Variants in SLC16A7 observed in about 807,000 individuals in gnomAD.
SLC16A7 encodes solute carrier family 16 member 7.
A neutral mutation model predicts 34.9 loss-of-function variants in SLC16A7; 33 were observed. That is an observed-to-expected ratio of 0.94 (90% CI 0.72 to 1.26). SLC16A7 has a LOEUF of 1.26. Among genes scored for constraint, SLC16A7 ranks in the 50% most tolerant of loss-of-function variants. SLC16A7 has a pLI of 0.00. For missense variants in SLC16A7, 573 were observed against 578.1 expected, an observed-to-expected ratio of 0.99 and a Z score of 0.09; for synonymous variants, 201 against 206.6, an observed-to-expected ratio of 0.97 and a Z score of 0.23.
chr12:59,689,440 G>C (rs1388712749), intron 2 of SLC16A7: 1 of 152,010 alleles, frequency 6.6e-6, no homozygotes, highest in Non-Finnish European at 1.5e-5. Flanking sequence ...TGGTGAAATG[G>C]AAGACCATGT....
At chr12:59,669,681 C>CACACACACACACACACACGATTT (rs1555167276) in intron 2 of SLC16A7, among the ~76,000 whole-genome samples, 1 of 151,768 alleles carries the variant, frequency 6.6e-6, no homozygotes, top group Non-Finnish European at 1.5e-5. Context: ...CACACACACA[C>CACACACACACACACACACGATTT]ACACGATTTA....
chr12:59,654,690 T>C (rs1868444562), intron 1 of SLC16A7, among the ~76,000 whole-genome samples: 1 of 142,166 alleles, frequency 7.0e-6, no homozygotes, highest in South Asian at 2.4e-4. Flanking sequence ...CACATAGGCA[T>C]GCACACACAC....
At chr12:59,737,560 TA>T (rs1877743168) in intron 3 of SLC16A7, among the ~76,000 whole-genome samples, 1 of 152,228 alleles carries the variant, frequency 6.6e-6, no homozygotes, top group African/African-American at 2.4e-5. Flanking sequence ...TTGACTGCAA[TA>T]AAAAGGGAGC....
chr12:59,757,642 G>A (rs901643214), intron 3 of SLC16A7, among the ~76,000 whole-genome samples: 3 of 151,952 alleles, frequency 2.0e-5, no homozygotes, highest in Non-Finnish European at 2.9e-5. Context: ...AAGTTACACC[G>A]TGTGCCTGCC....
At chr12:59,712,437 C>G (rs1430386771) in intron 3 of SLC16A7, among the ~76,000 whole-genome samples, 2 of 152,168 alleles carry the variant, frequency 1.3e-5, no homozygotes, top group Non-Finnish European at 2.9e-5. Context: ...TTGGGCCATC[C>G]TATATTGAAA....
intron 1 of SLC16A7, among the ~76,000 whole-genome samples, chr12:59,619,365 G>T (rs555805355): frequency 6.6e-6 from 1 of 152,080 alleles, no homozygotes; most frequent in South Asian, 2.1e-4. Flanking sequence ...CATGAAAAGT[G>T]ATTATCCGGT....
At chr12:59,760,170 G>A (rs937305276) in intron 3 of SLC16A7, among the ~76,000 whole-genome samples, 2 of 151,954 alleles carry the variant, frequency 1.3e-5, no homozygotes, top group African/African-American at 4.8e-5. Flanking sequence ...GTAGAGTGCA[G>A]ACAAAAAGCA....
At chr12:59,665,036 A>T (rs1869080831) in intron 2 of SLC16A7, 1 of 152,066 alleles carries the variant, frequency 6.6e-6, no homozygotes, top group Non-Finnish European at 1.5e-5. Flanking sequence ...ATGTGATTTC[A>T]TACTCTAAGC....
chr12:59,671,268 A>C (rs184566295), intron 2 of SLC16A7, among the ~76,000 whole-genome samples: 149 of 152,300 alleles, frequency 9.8e-4, no homozygotes, highest in African/African-American at 3.5e-3. Context: ...TTTGTTTAAT[A>C]ATATGTTTGA....
chr12:59,627,552 G>GC (rs1459408299), intron 1 of SLC16A7, among the ~76,000 whole-genome samples: 2 of 151,604 alleles, frequency 1.3e-5, no homozygotes, highest in Admixed American at 1.3e-4. Flanking sequence ...ACATCCTTTT[G>GC]CCCACAAAGC....
rs752963628 is a variant in SLC16A7 at position 59,786,912 on chromosome 12, A to G, written c.*7233A>G. The G allele has an allele frequency of 2.6e-5, 4 of 152,152 alleles. No homozygotes were observed. The highest frequency in any genetic ancestry group is 5.9e-5 in the Non-Finnish European group (4 of 67,984). 9.4% of individuals were successfully genotyped at this position (152,152 alleles called of 1,614,324 possible). On this transcript the variant is annotated 3_prime_UTR_variant, in exon 6 of 6. Coordinates refer to ENST00000547379, the MANE Select transcript of SLC16A7 (RefSeq NM_001270623.2). ...ACCCTACTTGATAGTTTATAGCCCAAATGAATATATTTTTCCAATCATGGT... is the reference window on the plus strand; with the variant it reads ...ACCCTACTTGATAGTTTATAGCCCAGATGAATATATTTTTCCAATCATGGT...
At chr12:59,767,167 G>GTT (rs1881744865) in intron 3 of SLC16A7, among the ~76,000 whole-genome samples, 1 of 151,148 alleles carries the variant, frequency 6.6e-6, no homozygotes, top group South Asian at 2.1e-4. Flanking sequence ...CTAGCTTCTA[G>GTT]TATGCAAATA....
intron 1 of SLC16A7, among the ~76,000 whole-genome samples, chr12:59,616,590 G>A (rs556781099): frequency 3.9e-4 from 59 of 152,106 alleles, no homozygotes; most frequent in South Asian, 3.7e-3. Flanking sequence ...TAGGCCCATC[G>A]CCTTAGGATT....
At chr12:59,609,302 A>G (rs1879086445) in intron 1 of SLC16A7, among the ~76,000 whole-genome samples, 1 of 152,212 alleles carries the variant, frequency 6.6e-6, no homozygotes, top group Non-Finnish European at 1.5e-5. Context: ...AGAACCGATA[A>G]TGGTTGTTGA....
intron 2 of SLC16A7, among the ~76,000 whole-genome samples, chr12:59,674,673 G>C (rs1311210647): frequency 5.3e-5 from 8 of 152,090 alleles, no homozygotes; most frequent in Non-Finnish European, 1.2e-4. Context: ...CTGGGATGAA[G>C]GTGCAAAAAA....
intron 3 of SLC16A7, chr12:59,720,150 G>A: frequency 1.5e-6 from 1 of 684,744 alleles, no homozygotes; most frequent in East Asian, 2.7e-5. Flanking sequence ...GCTGTCTAAA[G>A]AACACAATTG....
chr12:59,607,123 C>T (rs991319990), intron 1 of SLC16A7, among the ~76,000 whole-genome samples: 1 of 151,952 alleles, frequency 6.6e-6, no homozygotes, highest in African/African-American at 2.4e-5. Flanking sequence ...ACTTAGCCTG[C>T]AAAACCTGAC....
At chr12:59,647,907 G>C (rs967890573) in intron 1 of SLC16A7, among the ~76,000 whole-genome samples, 13 of 152,094 alleles carry the variant, frequency 8.5e-5, no homozygotes, top group Admixed American at 4.6e-4. Context: ...ACAAAAATTA[G>C]CCAGATGTGG....
At chr12:59,632,751 C>A (rs918055633) in intron 1 of SLC16A7, among the ~76,000 whole-genome samples, 1 of 151,958 alleles carries the variant, frequency 6.6e-6, no homozygotes, top group African/African-American at 2.4e-5. Flanking sequence ...AATAACTTAG[C>A]ATATTTTTTT....
Sources: allele counts gnomAD v4.1 joint callset (sites outside exome capture counted in the v4.1 genomes callset), GRCh38; gene constraint gnomAD v4.1.1; transcripts MANE v1.5; gene names NCBI Gene and HGNC (gene_info 2026-07-23, HGNC 2026-07-21).